WHRN: variants seen among roughly 807,000 people sequenced by gnomAD.
The protein encoded by WHRN is CASK-interacting protein CIP98.
In WHRN, 41 loss-of-function variants were observed where a neutral mutation model predicts 68.3. That is an observed-to-expected ratio of 0.60 (90% confidence interval 0.47 to 0.78). WHRN has a LOEUF of 0.78. Ranked by LOEUF, WHRN falls within the 30% of genes least tolerant of loss-of-function variation. WHRN has a pLI of 0.00. For missense variants in WHRN, 1,243 were observed against 1,244.7 expected, an observed-to-expected ratio of 1.00 and a Z score of 0.02; for synonymous variants, 560 against 561.3, an observed-to-expected ratio of 1.00 and a Z score of 0.03.
rs145331922 is a variant in WHRN, at chr9:114,456,537, T to C, written c.963+9730A>G. Among the ~76,000 whole-genome samples the C allele has an allele frequency of 4.6e-5, 7 of 152,198 alleles. No homozygotes were observed. The East Asian group carries it at 5.8e-4, about 13-fold the overall frequency. On this transcript the variant is annotated intron_variant, in intron 3 of 11. Coordinates refer to ENST00000362057, the MANE Select transcript of WHRN (RefSeq NM_015404.4). ...ATTTTTCTCCCTCCTCAAAAGTATA[T>C]GGGTTAGGGGCCAGGTGTGGTGGCT...
At chr9:114,403,029 G>A in intron 11 of WHRN, 93 bp from the exon 12 acceptor site, 1 of 1,538,054 alleles carries the variant, frequency 6.5e-7, no homozygotes. Context: ...CTGCCAAGCA[G>A]GCAGCTACAA....
At chr9:114,425,915 G>A (rs1836809590) in intron 4 of WHRN, 1 of 461,388 alleles carries the variant, frequency 2.2e-6, no homozygotes, top group East Asian at 4.5e-5. Flanking sequence ...GATGAGGGCA[G>A]GGTTATGGTC....
At position 114,454,764 on chromosome 9, in the gene WHRN, T is replaced by C. The variant is rs569423651; in HGVS notation, c.963+11503A>G. On this transcript the variant is annotated intron_variant, in intron 3 of 11. Coordinates refer to ENST00000362057, the MANE Select transcript of WHRN (RefSeq NM_015404.4). ...AGAGAAACCAGAGGAGCCAAAACAA[T>C]TCTGAAATAAGAACAAATTGGAGGA... Among the ~76,000 whole-genome samples the C allele has an allele frequency of 1.2e-4, 19 of 152,156 alleles. No homozygotes were observed. The South Asian group carries it at 3.5e-3, about 28-fold the overall frequency.
At chr9:114,410,174 C>G (rs1338429484) in intron 7 of WHRN, among the ~76,000 whole-genome samples, 4 of 152,200 alleles carry the variant, frequency 2.6e-5, no homozygotes, top group Non-Finnish European at 5.9e-5. Flanking sequence ...ACCCCCATCC[C>G]TGTCTATCCC....
chr9:114,407,950 G>C lies in WHRN; in HGVS notation c.1695C>G (p.Ser565=), dbSNP rs558215535. The change falls in exon 8 of 12, where the codon TCC becomes TCG. Residue 565 remains serine, a synonymous_variant. Transcript: ENST00000362057. ...AAAGGGCCAGCCAGGGCCTTACCAC[G>C]GACACATCTGGGAGGGCGTTGATAT... The part of the protein sequence containing the change: ...QGNINALPDV[S]VDDVRSTSQG... 5.0e-6 allele frequency: 8 copies of C among 1,600,120 alleles called. No homozygotes were observed. In the East Asian group the frequency reaches 1.4e-4, roughly 27 times the overall value.
rs978270516 is a variant in WHRN, at chr9:114,402,621, G to C, written c.*133C>G. ...TCCCAGTTCTGGTCCAGTGGGCTGGGATGGAGGGGGGATGTCTTCCTGCCA... is the reference window on the plus strand; with the variant it reads ...TCCCAGTTCTGGTCCAGTGGGCTGGCATGGAGGGGGGATGTCTTCCTGCCA... On this transcript the variant is annotated 3_prime_UTR_variant, in exon 12 of 12. Transcript: ENST00000362057. 8.0e-6 allele frequency: 9 copies of C among 1,129,854 alleles called. No individual in the cohort carries two copies. The African/African-American group carries it at 1.2e-4, about 15-fold the overall frequency. The allele number at this position is 1,129,854 out of a possible 1,614,324, so 70.0% of individuals were successfully genotyped here. A position where few individuals can be genotyped will look rare whatever the true frequency, so the allele number is the denominator to read the frequency against.
At chr9:114,436,198 G>T (rs1426386178) in intron 3 of WHRN, among the ~76,000 whole-genome samples, 1 of 152,206 alleles carries the variant, frequency 6.6e-6, no homozygotes, top group African/African-American at 2.4e-5. Flanking sequence ...ACACTGTAAA[G>T]ATCAGTGGTT....
intron 2 of WHRN, among the ~76,000 whole-genome samples, chr9:114,470,451 T>C (rs1228883224): frequency 6.6e-6 from 1 of 151,696 alleles, no homozygotes; most frequent in Admixed American, 6.6e-5. Flanking sequence ...CTGGTGAGGG[T>C]GCCATGAGCC....
Position 114,407,968 on chromosome 9 carries a change from G to T in WHRN, c.1677C>A (p.Asn559Lys). The T allele has an allele frequency of 6.2e-7, 1 of 1,603,486 alleles. No individual in the cohort carries two copies. Among genetic ancestry groups the T allele is most frequent in the South Asian group, 1.1e-5 (1 of 89,140 alleles). ...ETGEAVQGNI[N>K]ALPDVSVDDV... Reference sequence around the variant, plus strand: ...TTACCACGGACACATCTGGGAGGGCGTTGATATTGCCCTGGACAGCCTCGC... The same window carrying T: ...TTACCACGGACACATCTGGGAGGGCTTTGATATTGCCCTGGACAGCCTCGC... Residue 559 changes from asparagine to lysine, a missense_variant, in exon 8 of 12, where the codon AAC becomes AAA. Transcript: ENST00000362057.
At chr9:114,489,050 G>A (rs562711195) in intron 1 of WHRN, among the ~76,000 whole-genome samples, 1 of 152,252 alleles carries the variant, frequency 6.6e-6, no homozygotes, top group Non-Finnish European at 1.5e-5. Flanking sequence ...CTGTCTTATA[G>A]GATCAAGTAC....
At chr9:114,424,644 G>A (rs1836648798) in intron 5 of WHRN, 98 bp from the exon 6 acceptor site, 3 of 1,336,688 alleles carry the variant, frequency 2.2e-6, no homozygotes, top group Non-Finnish European at 3.1e-6. Context: ...GTCTAAGTGT[G>A]GTGTTTCATC....
At chr9:114,427,460 G>C (rs773427934) in intron 3 of WHRN, among the ~76,000 whole-genome samples, 5 of 152,206 alleles carry the variant, frequency 3.3e-5, no homozygotes, top group African/African-American at 7.2e-5. Context: ...GGGCTGCCCA[G>C]GGTCATGTGC....
chr9:114,494,095 T>C (rs1555700), intron 1 of WHRN, among the ~76,000 whole-genome samples: 61,464 of 152,086 alleles, frequency 0.4, 14,923 homozygotes, highest in East Asian at 0.58. Context: ...CTCAGAGTCC[T>C]CTCCCGGGGG....
At chr9:114,451,152 G>C (rs1313447393) in intron 3 of WHRN, among the ~76,000 whole-genome samples, 3 of 152,162 alleles carry the variant, frequency 2.0e-5, no homozygotes, top group Non-Finnish European at 4.4e-5. Flanking sequence ...CTGGATTTGG[G>C]GTCAGAAAAA....
chr9:114,449,811 C>T (rs1002681295), intron 3 of WHRN, among the ~76,000 whole-genome samples: 3 of 152,204 alleles, frequency 2.0e-5, no homozygotes, highest in Non-Finnish European at 2.9e-5. Flanking sequence ...ACAAGCCAAT[C>T]GCTTAGACAA....
chr9:114,456,151 A>AAAAAC (rs148294713), intron 3 of WHRN, among the ~76,000 whole-genome samples: 7 of 148,356 alleles, frequency 4.7e-5, no homozygotes, highest in East Asian at 2.0e-4. Flanking sequence ...AAAAAAAAAA[A>AAAAAC]CATCTCCAAA....
chr9:114,493,960 C>T (rs1017664836), intron 1 of WHRN, among the ~76,000 whole-genome samples: 2 of 152,242 alleles, frequency 1.3e-5, no homozygotes, highest in East Asian at 1.9e-4. Flanking sequence ...AGCAGCCAGC[C>T]GAGAGCCCTG....
chr9:114,502,531 T>C (rs571703613), intron 1 of WHRN, among the ~76,000 whole-genome samples: 107 of 88,906 alleles, frequency 1.2e-3, no homozygotes, highest in Non-Finnish European at 2.2e-3. Flanking sequence ...GAAATGGTGG[T>C]GGGGGAAGGC....
At chr9:114,449,623 A>C (rs1006335600) in intron 3 of WHRN, among the ~76,000 whole-genome samples, 2 of 152,180 alleles carry the variant, frequency 1.3e-5, no homozygotes, top group Admixed American at 1.3e-4. Flanking sequence ...ATAAGGAAGG[A>C]CTGAGAAGGT....
Sources: allele counts gnomAD v4.1 joint callset (sites outside exome capture counted in the v4.1 genomes callset), GRCh38; gene constraint gnomAD v4.1.1; transcripts MANE v1.5; gene names NCBI Gene and HGNC (gene_info 2026-07-23, HGNC 2026-07-21).